The following DMD variants were observed in gnomAD, a reference collection of about 807,000 sequenced individuals.
The protein encoded by DMD is dystrophin.
DMD carries 63 observed loss-of-function variants against 330.1 expected under a neutral mutation model. The ratio of observed to expected loss-of-function variants is 0.19; its 90% CI spans 0.16 to 0.24. The LOEUF (loss-of-function observed/expected upper bound fraction) is 0.24. Among genes scored for constraint, DMD ranks in the 10% least tolerant of loss-of-function variants. DMD has a pLI of 1.00. For synonymous variants in DMD, 1,223 were observed against 959.8 expected (o/e 1.27, Z -5.07); for missense variants, 3,344 against 2,684.1 (o/e 1.25, Z -5.43).
rs1252534000 is a variant in DMD, at chrX:32,562,498, C to A, written c.1992+3204G>T. On this transcript the variant is annotated intron_variant, in intron 16 of 78. Transcript: ENST00000357033. ...GTCATCTCAATCACGATTTCCACAC[C>A]CTGCCTCACAATAGGTTTTAACCAT... Among the ~76,000 whole-genome samples, 3 of 112,694 alleles carry A rather than the reference C, an allele frequency of 2.7e-5. No homozygotes were observed. In the Admixed American group the frequency reaches 2.8e-4, roughly 11 times the overall value.
At chrX:32,948,194 T>C (rs1333138213) in intron 2 of DMD, among the ~76,000 whole-genome samples, 1 of 109,354 alleles carries the variant, frequency 9.1e-6, no homozygotes, top group Non-Finnish European at 1.9e-5. Flanking sequence ...AAAACCCCTC[T>C]TGGCCTTGGG....
intron 17 of DMD, among the ~76,000 whole-genome samples, chrX:32,524,968 G>A (rs1187513105): frequency 9.0e-6 from 1 of 111,600 alleles, no homozygotes; most frequent in Non-Finnish European, 1.9e-5. Flanking sequence ...TAAGCACAGA[G>A]GTTAATGTTA....
intron 9 of DMD, among the ~76,000 whole-genome samples, chrX:32,676,921 C>T (rs1439478790): frequency 9.0e-6 from 1 of 111,271 alleles, no homozygotes; most frequent in Non-Finnish European, 1.9e-5. Flanking sequence ...TTTTGAAGAC[C>T]ATGTCACTAT....
chrX:32,685,486 A>G (rs1004516885), intron 9 of DMD, among the ~76,000 whole-genome samples: 3 of 111,855 alleles, frequency 2.7e-5, no homozygotes, highest in Non-Finnish European at 1.9e-5. Context: ...ACATGTTATA[A>G]TGAAGATAAA....
At chrX:31,766,483 C>T (rs1227097046) in intron 51 of DMD, among the ~76,000 whole-genome samples, 1 of 111,975 alleles carries the variant, frequency 8.9e-6, no homozygotes, top group Non-Finnish European at 1.9e-5. Flanking sequence ...GTCTCAAACT[C>T]CTGACCTCAG....
At chrX:32,720,492 A>T (rs2066178334) in intron 7 of DMD, among the ~76,000 whole-genome samples, 2 of 111,818 alleles carry the variant, frequency 1.8e-5, no homozygotes, top group Non-Finnish European at 3.8e-5. Context: ...CCCCATGGGG[A>T]TTTTTTTAAC....
intron 1 of DMD, among the ~76,000 whole-genome samples, chrX:33,247,736 T>C (rs2052691727): frequency 8.9e-6 from 1 of 112,153 alleles, no homozygotes; most frequent in Non-Finnish European, 1.9e-5. Context: ...AGTGATTTTA[T>C]GCACAGCTGT....
At chrX:32,085,881 G>A (rs1475061794) in intron 44 of DMD, among the ~76,000 whole-genome samples, 1 of 110,864 alleles carries the variant, frequency 9.0e-6, no homozygotes, top group African/African-American at 3.3e-5. Flanking sequence ...ACACCCATGT[G>A]AAATGTGTAA....
At chrX:31,975,648 G>A (rs969766141) in intron 44 of DMD, among the ~76,000 whole-genome samples, 7 of 111,708 alleles carry the variant, frequency 6.3e-5, no homozygotes, top group African/African-American at 1.6e-4. Flanking sequence ...ATGTTTCATC[G>A]TGGAACATAT....
rs896659421 is a variant in DMD at position 31,762,643 on chromosome X, A to C, written c.7542+11317T>G. 3.6e-5 allele frequency among the ~76,000 whole-genome samples: 4 copies of C among 111,836 alleles called. No homozygotes were observed. In the Admixed American group the frequency reaches 3.8e-4, roughly 11 times the overall value. ...TGGAGATGACTGGGGTTGGAGGAAA[A>C]AGTTGGGACATACGGTTTTGGAGGT... On this transcript the variant is annotated intron_variant, in intron 51 of 78. Coordinates refer to ENST00000357033, the MANE Select transcript of DMD (RefSeq NM_004006.3).
intron 1 of DMD, among the ~76,000 whole-genome samples, chrX:33,033,539 T>C (rs1211114358): frequency 1.3e-5 from 1 of 76,629 alleles, no homozygotes; most frequent in Non-Finnish European, 2.3e-5. Flanking sequence ...TGAAACCCCG[T>C]CTCTACTAAA....
intron 53 of DMD, among the ~76,000 whole-genome samples, chrX:31,664,301 C>T (rs1046884338): frequency 1.8e-5 from 2 of 111,449 alleles, no homozygotes; most frequent in Non-Finnish European, 3.8e-5. Flanking sequence ...CCCACCCAAG[C>T]TGAAAATTCA....
intron 25 of DMD, among the ~76,000 whole-genome samples, chrX:32,460,425 ATTC>A (rs1294870829): frequency 4.6e-5 from 5 of 108,637 alleles, no homozygotes; most frequent in East Asian, 5.8e-4. Flanking sequence ...CTTTTGATTT[ATTC>A]TTCTTCTAAT....
chrX:32,336,640 A>G (rs934617664), intron 41 of DMD, among the ~76,000 whole-genome samples: 2 of 111,888 alleles, frequency 1.8e-5, no homozygotes, highest in African/African-American at 3.3e-5. Flanking sequence ...ACATAAGTAT[A>G]GGGAATATAA....
intron 2 of DMD, among the ~76,000 whole-genome samples, chrX:32,929,036 G>A (rs1187517801): frequency 9.0e-6 from 1 of 111,144 alleles, no homozygotes; most frequent in Non-Finnish European, 1.9e-5. Flanking sequence ...GATGGAGAAA[G>A]GAATACAAAA....
At chrX:32,614,898 T>C (rs909294926) in intron 11 of DMD, among the ~76,000 whole-genome samples, 1 of 110,451 alleles carries the variant, frequency 9.1e-6, no homozygotes, top group African/African-American at 3.3e-5. Flanking sequence ...GACCACAGAA[T>C]GTGGCATAAC....
intron 2 of DMD, among the ~76,000 whole-genome samples, chrX:32,900,510 A>G (rs1381783451): frequency 9.0e-6 from 1 of 110,898 alleles, no homozygotes; most frequent in Non-Finnish European, 1.9e-5. Flanking sequence ...TGCCCAGATA[A>G]TTTTTTAATT....
chrX:32,262,953 C>G (rs1414191409), intron 43 of DMD, among the ~76,000 whole-genome samples: 1 of 111,700 alleles, frequency 9.0e-6, no homozygotes, highest in Non-Finnish European at 1.9e-5. Flanking sequence ...TCCTCTCTCT[C>G]CTCAATCCTG....
At chrX:32,560,006 A>T (rs985683790) in intron 16 of DMD, among the ~76,000 whole-genome samples, 1 of 111,304 alleles carries the variant, frequency 9.0e-6, no homozygotes, top group Non-Finnish European at 1.9e-5. Flanking sequence ...TTTTATCTTA[A>T]AGAGGTGCTC....
Sources: gnomAD v4.1 joint callset for allele counts (sites outside exome capture counted in the v4.1 genomes callset) on GRCh38, gnomAD v4.1.1 for gene constraint, MANE v1.5 for transcripts, NCBI Gene and HGNC (gene_info 2026-07-23, HGNC 2026-07-21) for gene names.